The following KLHL32 variants were observed in gnomAD, a reference collection of about 807,000 sequenced individuals.
The protein encoded by KLHL32 is kelch like family member 32, also known as kelch-like protein 32.
Under a neutral mutation model 64.8 loss-of-function variants are expected in KLHL32, and 35 were observed. That is an observed-to-expected ratio of 0.54 (90% confidence interval 0.41 to 0.72). The LOEUF is 0.72. Ranked by LOEUF, KLHL32 falls within the 30% of genes least tolerant of loss-of-function variation. The pLI, the probability that KLHL32 is intolerant of heterozygous loss-of-function variation, is 0.00. For missense variants in KLHL32, 589 were observed against 768.5 expected (o/e 0.77, Z 2.76); for synonymous variants, 259 against 281.0 (o/e 0.92, Z 0.78).
chr6:97,085,230 T>C lies in KLHL32; in HGVS notation c.516T>C (p.Ser172=). Residue 172 remains serine (S), a synonymous_variant, in exon 6 of 11, where the codon TCT becomes TCC. Transcript: ENST00000369261. ...AVIDFLVKHL[S]ELLKSRPEEV... ...TCGATTTCTTAGTGAAACATCTCTC[T>C]GAACTCCTGAAGAGCCGCCCAGAAG... 1 of 1,614,122 alleles carries C rather than the reference T, an allele frequency of 6.2e-7. No homozygotes were observed. Among genetic ancestry groups the C allele is most frequent in the South Asian group, 1.1e-5 (1 of 91,082 alleles).
intron 3 of KLHL32, among the ~76,000 whole-genome samples, chr6:96,987,381 A>G (rs1777242433): frequency 6.6e-6 from 1 of 152,064 alleles, no homozygotes; most frequent in Non-Finnish European, 1.5e-5. Flanking sequence ...ACTGCTTTGA[A>G]TGTGTCCCAG....
chr6:97,056,791 C>T (rs1310339113), intron 4 of KLHL32, among the ~76,000 whole-genome samples: 1 of 152,146 alleles, frequency 6.6e-6, no homozygotes, highest in African/African-American at 2.4e-5. Flanking sequence ...ATAGTCTCAG[C>T]ACTTTGGGAG....
chr6:97,105,331 T>C (rs1796261993), intron 6 of KLHL32: 4 of 410,620 alleles, frequency 9.7e-6, no homozygotes, highest in Non-Finnish European at 1.5e-5. Context: ...CCTGGCTTCC[T>C]ACTTCTTGTT....
intron 4 of KLHL32, among the ~76,000 whole-genome samples, chr6:97,052,288 T>C (rs887474037): frequency 4.6e-5 from 7 of 152,230 alleles, no homozygotes; most frequent in African/African-American, 1.7e-4. Flanking sequence ...ATGAATGTTG[T>C]ACTGTCAACT....
At chr6:96,938,221 T>C (rs921800581) in intron 1 of KLHL32, among the ~76,000 whole-genome samples, 2 of 152,180 alleles carry the variant, frequency 1.3e-5, no homozygotes, top group Admixed American at 1.3e-4. Context: ...ACCAAGGGTG[T>C]CTCTGGCCAC....
chr6:97,126,681 C>T (rs1359619399), intron 7 of KLHL32, among the ~76,000 whole-genome samples: 1 of 151,422 alleles, frequency 6.6e-6, no homozygotes, highest in South Asian at 2.1e-4. Context: ...TACTGAGATG[C>T]GTTGTGTCAA....
At chr6:97,092,040 A>C (rs985299394) in intron 6 of KLHL32, among the ~76,000 whole-genome samples, 3 of 145,682 alleles carry the variant, frequency 2.1e-5, no homozygotes, top group African/African-American at 7.7e-5. Flanking sequence ...CTCAGGCTGG[A>C]GTGCAATGGC....
intron 6 of KLHL32, among the ~76,000 whole-genome samples, chr6:97,104,985 C>G (rs546527186): frequency 1.7e-4 from 26 of 152,298 alleles, no homozygotes; most frequent in African/African-American, 6.0e-4. Context: ...GTTTATGACA[C>G]CATTATTTCA....
intron 8 of KLHL32, among the ~76,000 whole-genome samples, chr6:97,128,897 C>T (rs1455687942): frequency 6.6e-6 from 1 of 152,208 alleles, no homozygotes; most frequent in Non-Finnish European, 1.5e-5. Context: ...GACTGGACTG[C>T]TAATGCAAAC....
chr6:96,902,620 T>C, the KLHL32 span, among the ~76,000 whole-genome samples: 3 of 152,328 alleles, frequency 2.0e-5, no homozygotes, highest in East Asian at 5.8e-4. Context: ...ATTTTTGTTT[T>C]TGTTGCAATT....
chr6:96,994,382 A>C (rs1206227771), intron 3 of KLHL32: 9 of 484,834 alleles, frequency 1.9e-5, no homozygotes, highest in Non-Finnish European at 2.1e-5. Flanking sequence ...TTCAATTCTT[A>C]ATATCCGGAA....
intron 6 of KLHL32, among the ~76,000 whole-genome samples, chr6:97,089,931 G>A (rs1021201760): frequency 3.9e-5 from 6 of 152,156 alleles, no homozygotes; most frequent in Non-Finnish European, 7.3e-5. Context: ...CGTCAAACAA[G>A]GTAAGACCTC....
chr6:97,016,084 C>T (rs527398263), intron 3 of KLHL32, among the ~76,000 whole-genome samples: 3 of 152,318 alleles, frequency 2.0e-5, no homozygotes, highest in South Asian at 4.1e-4. Context: ...AGGGTTGGAG[C>T]CCTCATGGAG....
At chr6:96,980,293 G>T (rs751901557) in intron 3 of KLHL32, among the ~76,000 whole-genome samples, 1 of 152,116 alleles carries the variant, frequency 6.6e-6, no homozygotes, top group Non-Finnish European at 1.5e-5. Context: ...ATGTTGGTGT[G>T]GGTTTGTCAT....
chr6:97,035,928 T>C (rs1464640358), intron 3 of KLHL32, among the ~76,000 whole-genome samples: 1 of 152,162 alleles, frequency 6.6e-6, no homozygotes, highest in East Asian at 1.9e-4. Flanking sequence ...TTTCTTCTCC[T>C]TTCTATTTCT....
intron 3 of KLHL32, among the ~76,000 whole-genome samples, chr6:97,026,497 A>C (rs950099327): frequency 6.6e-6 from 1 of 152,210 alleles, no homozygotes; most frequent in African/African-American, 2.4e-5. Context: ...GGGTTAAATG[A>C]AACAGTCTGT....
intron 9 of KLHL32, among the ~76,000 whole-genome samples, chr6:97,131,550 C>T (rs1799446878): frequency 6.6e-6 from 1 of 152,148 alleles, no homozygotes; most frequent in African/African-American, 2.4e-5. Context: ...ACACGGTGAA[C>T]AACTTACCCC....
At chr6:96,927,600 G>T (rs1255550880) in intron 1 of KLHL32, among the ~76,000 whole-genome samples, 1 of 152,166 alleles carries the variant, frequency 6.6e-6, no homozygotes, top group Admixed American at 6.5e-5. Context: ...TGTCTCTTTG[G>T]TGGATCCAGA....
rs575505128 is a variant in KLHL32, at chr6:96,998,008, TA to T, written c.204+21832del. ...ACATGTAGTGACACGTGGTGTTTAT[TA>T]CATAAAGGATAAATGGCAGCATAAC... On this transcript the variant is annotated intron_variant, in intron 3 of 10. Transcript: ENST00000369261. Among the ~76,000 whole-genome samples the T allele has an allele frequency of 2.7e-3, 418 of 152,266 alleles. 5 individuals carry two copies. The highest frequency in any genetic ancestry group is 9.7e-3 in the African/African-American group (404 of 41,554).
Sources: allele counts gnomAD v4.1 joint callset (sites outside exome capture counted in the v4.1 genomes callset), GRCh38; gene constraint gnomAD v4.1.1; transcripts MANE v1.5; gene names NCBI Gene and HGNC (gene_info 2026-07-23, HGNC 2026-07-21).